Variants in TLK1 observed in about 807,000 individuals in gnomAD.
The protein encoded by TLK1 is serine/threonine-protein kinase tousled-like 1.
A neutral mutation model predicts 105.3 loss-of-function variants in TLK1; 24 were observed. The observed-to-expected ratio is 0.23, with a 90% CI of 0.17 to 0.32. The LOEUF (loss-of-function observed/expected upper bound fraction) is 0.32. Among genes scored for constraint, TLK1 ranks in the 10% least tolerant of loss-of-function variants. The pLI is 1.00. For missense variants in TLK1, 558 were observed against 910.5 expected, an observed-to-expected ratio of 0.61 and a Z score of 4.98; for synonymous variants, 321 against 310.4, an observed-to-expected ratio of 1.03 and a Z score of -0.36.
chr2:171,105,791 A>G (rs1237680501), intron 2 of TLK1, among the ~76,000 whole-genome samples: 1 of 152,236 alleles, frequency 6.6e-6, no homozygotes, highest in African/African-American at 2.4e-5. Flanking sequence ...CATTATGGAA[A>G]AAAATATGGA....
At chr2:171,030,121 G>A (rs1055896681) in intron 11 of TLK1, among the ~76,000 whole-genome samples, 4 of 152,164 alleles carry the variant, frequency 2.6e-5, no homozygotes, top group South Asian at 2.1e-4. Flanking sequence ...TATGTGTTCT[G>A]AGGTTATTTC....
At chr2:171,171,735 A>G (rs1445845919) in intron 1 of TLK1, among the ~76,000 whole-genome samples, 1 of 152,228 alleles carries the variant, frequency 6.6e-6, no homozygotes, top group African/African-American at 2.4e-5. Flanking sequence ...AACAACAGCA[A>G]AACAATTAAG....
intron 1 of TLK1, among the ~76,000 whole-genome samples, chr2:171,154,964 T>C (rs1692177665): frequency 6.6e-6 from 1 of 152,168 alleles, no homozygotes; most frequent in Non-Finnish European, 1.5e-5. Flanking sequence ...TTATGTGCCA[T>C]GCAAAATTAA....
chr2:171,191,196 G>T (rs1176774370), intron 1 of TLK1, among the ~76,000 whole-genome samples: 1 of 151,698 alleles, frequency 6.6e-6, no homozygotes, highest in Admixed American at 6.6e-5. Context: ...TTTTCAACAA[G>T]TTCCCCCTAA....
intron 1 of TLK1, among the ~76,000 whole-genome samples, chr2:171,197,375 AC>A (rs1693295102): frequency 6.6e-6 from 1 of 152,158 alleles, no homozygotes; most frequent in South Asian, 2.1e-4. Context: ...ACCCGAAAAT[AC>A]CCCCCAAAAG....
intron 10 of TLK1, among the ~76,000 whole-genome samples, chr2:171,046,826 C>A (rs1686984463): frequency 6.6e-6 from 1 of 152,094 alleles, no homozygotes; most frequent in Admixed American, 6.5e-5. Context: ...ATACCCCAAA[C>A]TATTAAAGTA....
chr2:171,199,448 G>A (rs567330155), intron 1 of TLK1, among the ~76,000 whole-genome samples: 3 of 152,104 alleles, frequency 2.0e-5, no homozygotes, highest in Non-Finnish European at 4.4e-5. Flanking sequence ...GGGAGATGGA[G>A]GCTGCAGTGA....
rs953473479 is a variant in TLK1, at chr2:171,026,563, C to T, written c.1236+1776G>A. On this transcript the variant is annotated intron_variant, in intron 12 of 20. Coordinates refer to ENST00000431350, the MANE Select transcript of TLK1 (RefSeq NM_012290.5). ...GAGTAATCTGAAATTTGGTATTACA[C>T]GTGAAGATAATAACCCTTCAGTAAA... is the stretch of plus-strand genomic sequence containing the variant. 3.9e-5 allele frequency among the ~76,000 whole-genome samples: 6 copies of T among 152,056 alleles called. 1 individual carries two copies. Among genetic ancestry groups the T allele is most frequent in the African/African-American group, 1.4e-4 (6 of 41,426 alleles).
intron 3 of TLK1, among the ~76,000 whole-genome samples, chr2:171,075,400 T>G (rs566827942): frequency 1.3e-5 from 2 of 152,338 alleles, no homozygotes; most frequent in African/African-American, 4.8e-5. Flanking sequence ...GACTTGGTAG[T>G]TACCCATGAA....
chr2:171,132,196 G>A (rs1691129948), intron 1 of TLK1, among the ~76,000 whole-genome samples: 1 of 152,180 alleles, frequency 6.6e-6, no homozygotes, highest in African/African-American at 2.4e-5. Flanking sequence ...TCTTCACAGA[G>A]CAGCAGAAGA....
intron 3 of TLK1, among the ~76,000 whole-genome samples, chr2:171,075,193 A>G (rs1446622152): frequency 1.3e-5 from 2 of 152,154 alleles, no homozygotes; most frequent in Non-Finnish European, 2.9e-5. Context: ...CTAAGCATTA[A>G]GAGGGCAAAA....
chr2:171,130,795 G>A (rs1691074018), intron 1 of TLK1, among the ~76,000 whole-genome samples: 1 of 152,134 alleles, frequency 6.6e-6, no homozygotes, highest in African/African-American at 2.4e-5. Context: ...GACATGTTGA[G>A]TTATCCTGCT....
intron 14 of TLK1, among the ~76,000 whole-genome samples, chr2:171,009,936 GA>G (rs1684826795): frequency 6.6e-6 from 1 of 152,096 alleles, no homozygotes; most frequent in South Asian, 2.1e-4. Flanking sequence ...CTGTTTAGAG[GA>G]ACTAAAGATG....
chr2:171,103,378 A>G (rs112907397), intron 2 of TLK1, among the ~76,000 whole-genome samples: 1 of 151,410 alleles, frequency 6.6e-6, no homozygotes, highest in Non-Finnish European at 1.5e-5. Context: ...CCTGGGTTCA[A>G]GCAATTCTCC....
At chr2:171,087,551 T>C (rs1165249623) in intron 2 of TLK1, among the ~76,000 whole-genome samples, 3 of 152,120 alleles carry the variant, frequency 2.0e-5, no homozygotes, top group African/African-American at 7.2e-5. Flanking sequence ...AAAAAATATT[T>C]GAAAAAATGA....
chr2:171,049,657 T>C (rs550162321), intron 10 of TLK1, among the ~76,000 whole-genome samples, 157 bp downstream of exon 10: 2 of 152,352 alleles, frequency 1.3e-5, no homozygotes, highest in African/African-American at 4.8e-5. Flanking sequence ...AAGCTAAAAC[T>C]GTAATACTCT....
intron 10 of TLK1, among the ~76,000 whole-genome samples, chr2:171,047,116 G>A (rs535519642): frequency 6.6e-6 from 1 of 152,044 alleles, no homozygotes; most frequent in Non-Finnish European, 1.5e-5. Flanking sequence ...TAAAATCAAT[G>A]CTTCCCATTC....
chr2:171,228,514 G>A (rs550777611), intron 1 of TLK1, among the ~76,000 whole-genome samples: 8 of 152,292 alleles, frequency 5.3e-5, no homozygotes, highest in East Asian at 1.9e-4. Flanking sequence ...TTGTGCTACC[G>A]CACTCCAGCT....
chr2:171,040,042 A>C (rs1181224796), intron 11 of TLK1, among the ~76,000 whole-genome samples: 1 of 152,188 alleles, frequency 6.6e-6, no homozygotes, highest in Non-Finnish European at 1.5e-5. Flanking sequence ...ATGTGTGTAT[A>C]TATGTGTGTC....
Sources: gnomAD v4.1 joint callset for allele counts (sites outside exome capture counted in the v4.1 genomes callset) on GRCh38, gnomAD v4.1.1 for gene constraint, MANE v1.5 for transcripts, NCBI Gene and HGNC (gene_info 2026-07-23, HGNC 2026-07-21) for gene names.